SMAD3: variants seen among roughly 807,000 people sequenced by gnomAD.
SMAD3 encodes SMAD family member 3, also known as MAD homolog 3.
In SMAD3, 12 loss-of-function variants were observed where a neutral mutation model predicts 51.8. The ratio of observed to expected loss-of-function variants is 0.23; its 90% confidence interval spans 0.15 to 0.38. The LOEUF (loss-of-function observed/expected upper bound fraction) is 0.38, where lower values mean the gene tolerates loss of function less well. Ranked by LOEUF, SMAD3 falls within the 10% of genes least tolerant of loss-of-function variation. The pLI, the probability that SMAD3 is intolerant of heterozygous loss-of-function variation, is 1.00. For synonymous variants in SMAD3, 238 were observed against 227.7 expected (o/e 1.05, Z -0.41); for missense variants, 294 against 565.6 (o/e 0.52, Z 4.87).
intron 1 of SMAD3, among the ~76,000 whole-genome samples, chr15:67,139,776 G>A (rs987445302): frequency 2.0e-5 from 3 of 152,184 alleles, no homozygotes; most frequent in Non-Finnish European, 4.4e-5. Context: ...TAGCATATCT[G>A]CTGTCACCAG....
intron 3 of SMAD3, among the ~76,000 whole-genome samples, 193 bp downstream of exon 3, chr15:67,165,577 C>A (rs916579794): frequency 6.6e-6 from 1 of 152,258 alleles, no homozygotes; most frequent in Non-Finnish European, 1.5e-5. Context: ...TCAGCTCCCC[C>A]CTCACTAGTG....
intron 1 of SMAD3, among the ~76,000 whole-genome samples, chr15:67,124,122 G>A (rs1961329660): frequency 6.6e-6 from 1 of 152,080 alleles, no homozygotes; most frequent in African/African-American, 2.4e-5. Flanking sequence ...TGATTAGCTG[G>A]GACTACAGAA....
In SMAD3 at chr15:67,138,064, C is replaced by G. The variant is rs1430205791; in HGVS notation, c.207-26831C>G. 14 of 1,551,828 alleles carry G rather than the reference C, an allele frequency of 9.0e-6. No individual in the cohort carries two copies. Among genetic ancestry groups the G allele is most frequent in the Non-Finnish European group, 1.7e-6 (2 of 1,146,966 alleles). On this transcript the variant is annotated intron_variant, in intron 1 of 8. Transcript: ENST00000327367. Reference sequence around the variant, plus strand: ...CACCCTAGGCAAACGTGGAAAGGCGCAGCTCTGGTACACCGGAAAGCATGG... The same window carrying G: ...CACCCTAGGCAAACGTGGAAAGGCGGAGCTCTGGTACACCGGAAAGCATGG...
At chr15:67,110,458 G>T (rs927974065) in intron 1 of SMAD3, among the ~76,000 whole-genome samples, 4 of 152,240 alleles carry the variant, frequency 2.6e-5, no homozygotes, top group African/African-American at 9.6e-5. Context: ...AGTTGGGAGT[G>T]ATGGGGGATA....
At chr15:67,169,663 A>G (rs1457812263) in intron 4 of SMAD3, among the ~76,000 whole-genome samples, 3 of 138,818 alleles carry the variant, frequency 2.2e-5, no homozygotes, top group African/African-American at 2.8e-5. Context: ...GGGTCTCCCT[A>G]TATCACCCAG....
At chr15:67,162,220 A>C (rs916716577) in intron 1 of SMAD3, among the ~76,000 whole-genome samples, 10 of 152,134 alleles carry the variant, frequency 6.6e-5, no homozygotes, top group African/African-American at 2.4e-4. Flanking sequence ...CTTCCTTCAC[A>C]GAGTGCCCAT....
At chr15:67,137,744 C>T (rs570524733) in intron 1 of SMAD3, among the ~76,000 whole-genome samples, 4 of 152,170 alleles carry the variant, frequency 2.6e-5, no homozygotes, top group African/African-American at 9.7e-5. Context: ...GTTTGGGGTG[C>T]ATCATTTCTC....
At chr15:67,183,000 A>AAAATAT (rs61323717) in intron 6 of SMAD3, among the ~76,000 whole-genome samples, 15 of 43,638 alleles carry the variant, frequency 3.4e-4, no homozygotes, top group Non-Finnish European at 4.4e-4. Flanking sequence ...AAAAAAAAAA[A>AAAATAT]ATATATATAT....
intron 1 of SMAD3, among the ~76,000 whole-genome samples, chr15:67,100,712 G>T (rs1449527594): frequency 1.3e-5 from 2 of 152,110 alleles, no homozygotes; most frequent in African/African-American, 4.8e-5. Context: ...TGATAGGTTT[G>T]TATTGGGTAG....
chr15:67,137,348 TC>T (rs1961692591), intron 1 of SMAD3, among the ~76,000 whole-genome samples: 1 of 152,244 alleles, frequency 6.6e-6, no homozygotes, highest in Non-Finnish European at 1.5e-5. Context: ...CATAAGTTCT[TC>T]CTTTTCGCTT....
chr15:67,190,841 A>C lies in SMAD3; in HGVS notation c.*305A>C. ...ATTACACCACCGGCCCCCTCCCCCC[A>C]GACTCTTTTTTTGAGTGACAGCTTT... On this transcript the variant is annotated 3_prime_UTR_variant, in exon 9 of 9. Coordinates refer to ENST00000327367, the MANE Select transcript of SMAD3 (RefSeq NM_005902.4). The C allele has an allele frequency of 2.2e-6, 1 of 449,198 alleles. No homozygotes were observed. Among genetic ancestry groups the C allele is most frequent in the Non-Finnish European group, 4.1e-6 (1 of 244,406 alleles). 27.8% of individuals were successfully genotyped at this position (449,198 alleles called of 1,614,324 possible).
intron 1 of SMAD3, among the ~76,000 whole-genome samples, chr15:67,135,156 C>G (rs1289276775): frequency 6.6e-6 from 1 of 152,182 alleles, no homozygotes; most frequent in Non-Finnish European, 1.5e-5. Context: ...AGGTTCCTTT[C>G]TGTGCCAGGG....
chr15:67,149,618 G>C (rs1644528904), intron 1 of SMAD3, among the ~76,000 whole-genome samples: 1 of 152,026 alleles, frequency 6.6e-6, no homozygotes, highest in Non-Finnish European at 1.5e-5. Flanking sequence ...GGGGTTCTTT[G>C]CTGTCTTAGG....
At chr15:67,173,090 G>A (rs1962796180) in intron 5 of SMAD3, among the ~76,000 whole-genome samples, 1 of 152,188 alleles carries the variant, frequency 6.6e-6, no homozygotes, top group African/African-American at 2.4e-5. Flanking sequence ...CAAGAAGGAG[G>A]TGCAGATGAA....
rs1186928444 is a variant in SMAD3 at position 67,193,531 on chromosome 15, G to GGAACATCATCTCAGTTGGCCAGGAA, written c.*3016_*3017insGGAAGAACATCATCTCAGTTGGCCA. On this transcript the variant is annotated 3_prime_UTR_variant, in exon 9 of 9. Transcript: ENST00000327367. ...CCGGTTTGGATTACAGGCCTGTGCTGGAACATCATCTCAGTTGGCCACCTT... is the reference window on the plus strand; with the variant it reads ...CCGGTTTGGATTACAGGCCTGTGCTGGAACATCATCTCAGTTGGCCAGGAAGAACATCATCTCAGTTGGCCACCTT... The GGAACATCATCTCAGTTGGCCAGGAA allele has an allele frequency of 4.3e-6, 1 of 233,752 alleles. No homozygotes were observed. The highest frequency in any genetic ancestry group is 8.5e-6 in the Non-Finnish European group (1 of 118,064). The allele number at this position is 233,752 out of a possible 1,614,324, so 14.5% of individuals were successfully genotyped here. A position where few individuals can be genotyped will look rare whatever the true frequency, so the allele number is the denominator to read the frequency against.
chr15:67,088,534 T>C (rs988176267), intron 1 of SMAD3, among the ~76,000 whole-genome samples: 1 of 152,062 alleles, frequency 6.6e-6, no homozygotes, highest in Non-Finnish European at 1.5e-5. Flanking sequence ...GGAAACACAG[T>C]GGTGTTTGGC....
At chr15:67,175,635 G>A (rs1962870647) in intron 5 of SMAD3, among the ~76,000 whole-genome samples, 2 of 152,190 alleles carry the variant, frequency 1.3e-5, no homozygotes, top group Admixed American at 1.3e-4. Context: ...TGCTGGGAAG[G>A]TGTGAATCGG....
chr15:67,191,050 G>A lies in SMAD3; in HGVS notation c.*514G>A, dbSNP rs529503181. The A allele has an allele frequency of 3.3e-4, 22 of 66,318 alleles. No individual in the cohort carries two copies. The highest frequency in any genetic ancestry group is 1.2e-3 in the East Asian group (5 of 4,188). The allele number at this position is 66,318 out of a possible 1,614,324, so 4.1% of individuals were successfully genotyped here. Reference sequence around the variant, plus strand: ...TCCCAGCCCAGCCCCGCCCCGCCCCGCCCCACCACTCCAGCAGACCTTGCC... The same window carrying A: ...TCCCAGCCCAGCCCCGCCCCGCCCCACCCCACCACTCCAGCAGACCTTGCC... On this transcript the variant is annotated 3_prime_UTR_variant, in exon 9 of 9. Coordinates refer to ENST00000327367, the MANE Select transcript of SMAD3 (RefSeq NM_005902.4).
At position 67,194,746 on chromosome 15, in the gene SMAD3, C is replaced by T. The variant is rs181158603; in HGVS notation, c.*4210C>T. 1.4e-3 allele frequency: 334 copies of T among 232,326 alleles called. No individual in the cohort carries two copies. Among genetic ancestry groups the T allele is most frequent in the East Asian group, 5.6e-3 (92 of 16,528 alleles). 14.4% of individuals were successfully genotyped at this position (232,326 alleles called of 1,614,324 possible). ...AAACCAGGCTGGCTAAACAAGTGGC[C>T]GCGTGTAAAAACAGACAGCTCTGAG... On this transcript the variant is annotated 3_prime_UTR_variant, in exon 9 of 9. Coordinates refer to ENST00000327367, the MANE Select transcript of SMAD3 (RefSeq NM_005902.4).
Sources: allele counts gnomAD v4.1 joint callset (sites outside exome capture counted in the v4.1 genomes callset), GRCh38; gene constraint gnomAD v4.1.1; transcripts MANE v1.5; gene names NCBI Gene and HGNC (gene_info 2026-07-23, HGNC 2026-07-21).